The following CLASP1 variants were observed in gnomAD, a reference collection of about 807,000 sequenced individuals.
CLASP1 encodes the protein cytoplasmic linker associated protein 1.
Under a neutral mutation model 192.3 loss-of-function variants are expected in CLASP1, and 38 were observed. That is an observed-to-expected ratio of 0.20 (90% CI 0.15 to 0.26). CLASP1 has a LOEUF of 0.26. Among genes scored for constraint, CLASP1 ranks in the 10% least tolerant of loss-of-function variants. The pLI, the probability that CLASP1 is intolerant of heterozygous loss-of-function variation, is 1.00. For synonymous variants in CLASP1, 691 were observed against 712.8 expected (o/e 0.97, Z 0.49); for missense variants, 1,433 against 1,932.5 (o/e 0.74, Z 4.85).
In CLASP1 at chr2:121,555,155, G is replaced by A. The variant is rs527942197; in HGVS notation, c.196-24830C>T. ...CTCACGCTGCACACAAACCTCAGCAGGTCTCTCTGCGGCCCATGAATCCTC... is the reference window on the plus strand; with the variant it reads ...CTCACGCTGCACACAAACCTCAGCAAGTCTCTCTGCGGCCCATGAATCCTC... On this transcript the variant is annotated intron_variant, in intron 2 of 39. Transcript: ENST00000263710. 3.9e-5 allele frequency among the ~76,000 whole-genome samples: 6 copies of A among 152,306 alleles called. No individual in the cohort carries two copies. The South Asian group carries it at 1.2e-3, about 32-fold the overall frequency.
intron 7 of CLASP1, among the ~76,000 whole-genome samples, chr2:121,511,588 CAAA>C (rs1358232629): frequency 4.2e-5 from 4 of 95,892 alleles, no homozygotes; most frequent in Non-Finnish European, 2.2e-5. Context: ...AACTCCATCT[CAAA>C]AAAAAAAAAA....
At chr2:121,499,813 GA>G (rs1181099449) in intron 8 of CLASP1, among the ~76,000 whole-genome samples, 142 of 140,788 alleles carry the variant, frequency 1.0e-3, no homozygotes, top group South Asian at 2.5e-3. Context: ...CCTGCTCTGG[GA>G]AAAAAAAAAA....
chr2:121,403,354 A>G, intron 26 of CLASP1: 1 of 455,400 alleles, frequency 2.2e-6, no homozygotes, highest in Non-Finnish European at 4.4e-6. Context: ...TAAATGTTAA[A>G]TGACTGGGTG....
intron 2 of CLASP1, among the ~76,000 whole-genome samples, chr2:121,567,596 C>T (rs1317667553): frequency 6.6e-6 from 1 of 152,198 alleles, no homozygotes; most frequent in East Asian, 1.9e-4. Context: ...GAGGTCCTCC[C>T]GTGCAAACGT....
At chr2:121,644,479 C>T (rs370597971) in intron 1 of CLASP1, among the ~76,000 whole-genome samples, 2 of 152,008 alleles carry the variant, frequency 1.3e-5, no homozygotes, top group South Asian at 2.1e-4. Context: ...GGTAAAACCC[C>T]GTCTCTACTA....
intron 6 of CLASP1, among the ~76,000 whole-genome samples, chr2:121,518,432 C>CTT (rs1379653087): frequency 6.6e-6 from 1 of 151,940 alleles, no homozygotes; most frequent in Non-Finnish European, 1.5e-5. Flanking sequence ...AACCCGGCCT[C>CTT]TAAAACTGTG....
At chr2:121,447,239 A>G (rs2084527522) in intron 19 of CLASP1, 98 bp downstream of exon 19, 1 of 1,125,114 alleles carries the variant, frequency 8.9e-7, no homozygotes, top group Admixed American at 2.5e-5. Flanking sequence ...CACAACAGTG[A>G]GACTTGCCTC....
exon 2 of CLASP1, chr2:121,605,715 A>T (rs764537029): frequency 4.3e-6 from 7 of 1,613,726 alleles, no homozygotes. Flanking sequence ...TAATTGCTAG[A>T]GTTCACCCAA....
intron 39 of CLASP1, among the ~76,000 whole-genome samples, chr2:121,342,652 T>C (rs936303123): frequency 2.6e-5 from 4 of 151,418 alleles, no homozygotes; most frequent in Non-Finnish European, 4.4e-5. Context: ...AACAGAAAAA[T>C]AGAGAAAATT....
At chr2:121,471,802 A>G (rs1279721410) in intron 8 of CLASP1, among the ~76,000 whole-genome samples, 1 of 152,184 alleles carries the variant, frequency 6.6e-6, no homozygotes, top group Non-Finnish European at 1.5e-5. Context: ...CTTTCAATCC[A>G]TACATCCATT....
rs550982569 is a variant in CLASP1, at chr2:121,470,924, A to T, written c.713-964T>A. Reference sequence around the variant, plus strand: ...TGCATTTCTTTTTTAGTGAAGATGAACATTTTTTTCGTAAGTTCATTAACT... The same window carrying T: ...TGCATTTCTTTTTTAGTGAAGATGATCATTTTTTTCGTAAGTTCATTAACT... On this transcript the variant is annotated intron_variant, in intron 8 of 39. Coordinates refer to ENST00000263710, the Ensembl canonical transcript of CLASP1. Among the ~76,000 whole-genome samples the T allele has an allele frequency of 3.3e-5, 5 of 152,328 alleles. No individual in the cohort carries two copies. The South Asian group carries it at 1.0e-3, about 32-fold the overall frequency.
chr2:121,433,983 T>C (rs570335462), intron 19 of CLASP1, among the ~76,000 whole-genome samples: 5 of 152,328 alleles, frequency 3.3e-5, no homozygotes, highest in Admixed American at 1.3e-4. Flanking sequence ...AATGCAATTA[T>C]CCAGTCTTTG....
chr2:121,524,477 GA>G (rs1223062320), intron 6 of CLASP1, among the ~76,000 whole-genome samples: 7 of 143,712 alleles, frequency 4.9e-5, no homozygotes, highest in Non-Finnish European at 9.1e-5. Flanking sequence ...TTTTTTTAAA[GA>G]AAAAGTCTTG....
chr2:121,450,668 A>C (rs924677940), intron 16 of CLASP1, among the ~76,000 whole-genome samples: 3 of 152,166 alleles, frequency 2.0e-5, no homozygotes, highest in Admixed American at 6.5e-5. Flanking sequence ...GAGCTATGTG[A>C]TAATTTGTGA....
At chr2:121,607,680 T>C (rs1367918044) in intron 1 of CLASP1, among the ~76,000 whole-genome samples, 4 of 152,194 alleles carry the variant, frequency 2.6e-5, no homozygotes, top group Admixed American at 1.3e-4. Flanking sequence ...CTGTGCCAAA[T>C]TGAAGCTTTT....
chr2:121,392,017 A>AT (rs1252050480), intron 30 of CLASP1, among the ~76,000 whole-genome samples: 1 of 152,180 alleles, frequency 6.6e-6, no homozygotes, highest in Admixed American at 6.5e-5. Context: ...TTATAATCAT[A>AT]TTTTTTTAAA....
intron 2 of CLASP1, among the ~76,000 whole-genome samples, chr2:121,588,949 ATTGT>A (rs934988201): frequency 3.3e-5 from 5 of 151,976 alleles, no homozygotes; most frequent in African/African-American, 1.2e-4. Context: ...GTTTATGGGG[ATTGT>A]TTGGGGATTT....
chr2:121,382,093 C>G, intron 33 of CLASP1, 115 bp downstream of exon 34: 1 of 777,450 alleles, frequency 1.3e-6, no homozygotes. Flanking sequence ...CTATGTGACA[C>G]CAAGGAAGGG....
At chr2:121,401,729 GTCT>G in intron 27 of CLASP1, 57 bp from the exon 29 acceptor site, 1 of 1,459,764 alleles carries the variant, frequency 6.9e-7, no homozygotes, top group Middle Eastern at 1.9e-4. Context: ...CTCCTCCAAA[GTCT>G]ACAAAACATT....
Sources: gnomAD v4.1 joint callset for allele counts (sites outside exome capture counted in the v4.1 genomes callset) on GRCh38, gnomAD v4.1.1 for gene constraint, MANE v1.5 for transcripts, NCBI Gene and HGNC (gene_info 2026-07-23, HGNC 2026-07-21) for gene names.